Variants in DTWD2 observed in about 807,000 individuals in gnomAD.
The protein encoded by DTWD2 is DTW motif tRNA-uridine aminocarboxypropyltransferase 2, also known as tRNA-uridine aminocarboxypropyltransferase 2.
In DTWD2, 39 loss-of-function variants were observed where a neutral mutation model predicts 31.8. The observed-to-expected ratio is 1.22, with a 90% CI of 0.95 to 1.60. The LOEUF (loss-of-function observed/expected upper bound fraction) is 1.60, where lower values mean the gene tolerates loss of function less well. DTWD2 is among the 40% of genes most tolerant of loss of function. The probability of loss-of-function intolerance (pLI) is 0.00; values close to 1 mark genes in which losing one functional copy is unlikely to be tolerated. For synonymous variants in DTWD2, 180 were observed against 142.8 expected (o/e 1.26, Z -1.86); for missense variants, 515 against 381.5 (o/e 1.35, Z -2.92).
intron 1 of DTWD2, among the ~76,000 whole-genome samples, chr5:118,950,213 CAAAAAAAAAAAA>C (rs764214153): frequency 3.2e-4 from 16 of 49,600 alleles, no homozygotes; most frequent in Admixed American, 7.7e-4. Flanking sequence ...ACTCCATCTC[CAAAAAAAAAAAA>C]AAAAAAAAAA....
chr5:118,898,147 G>T (rs1262364692), intron 4 of DTWD2, among the ~76,000 whole-genome samples: 2 of 152,128 alleles, frequency 1.3e-5, no homozygotes, highest in African/African-American at 4.8e-5. Flanking sequence ...TTATAGGCAT[G>T]AGCCACCATG....
chr5:118,933,558 C>A (rs1753971951), intron 3 of DTWD2, among the ~76,000 whole-genome samples: 1 of 152,112 alleles, frequency 6.6e-6, no homozygotes, highest in South Asian at 2.1e-4. Flanking sequence ...CATCAAAGGA[C>A]TGTATCAATT....
chr5:118,913,047 CT>C (rs1753494209), intron 4 of DTWD2, among the ~76,000 whole-genome samples: 2 of 152,196 alleles, frequency 1.3e-5, no homozygotes, highest in Admixed American at 1.3e-4. Flanking sequence ...AATTAACCCA[CT>C]TATGCCTAGC....
chr5:118,934,493 G>A (rs551419200), intron 3 of DTWD2, among the ~76,000 whole-genome samples: 1 of 151,792 alleles, frequency 6.6e-6, no homozygotes, highest in Non-Finnish European at 1.5e-5. Flanking sequence ...TATATTTAAT[G>A]TATAATGTTA....
At chr5:118,876,206 G>C (rs1752618420) in intron 4 of DTWD2, among the ~76,000 whole-genome samples, 1 of 152,174 alleles carries the variant, frequency 6.6e-6, no homozygotes, top group South Asian at 2.1e-4. Flanking sequence ...AGGTAAGGCA[G>C]TGTTAAAAGG....
At chr5:118,974,191 C>G in intron 1 of DTWD2, 1 of 1,394,280 alleles carries the variant, frequency 7.2e-7, no homozygotes, top group Non-Finnish European at 9.9e-7. Context: ...CTCCACTTCC[C>G]GTCTCAGAAT....
chr5:118,852,272 T>G (rs112517909), intron 4 of DTWD2, among the ~76,000 whole-genome samples: 13 of 152,306 alleles, frequency 8.5e-5, no homozygotes, highest in African/African-American at 3.1e-4. Flanking sequence ...CAAACACATG[T>G]TTTACAATCA....
intron 4 of DTWD2, among the ~76,000 whole-genome samples, chr5:118,858,991 T>C (rs1580770532): frequency 6.6e-6 from 1 of 152,184 alleles, no homozygotes; most frequent in Non-Finnish European, 1.5e-5. Context: ...ATGAAGTACA[T>C]AATGTCTGGT....
At chr5:118,899,859 T>C (rs1187860949) in intron 4 of DTWD2, among the ~76,000 whole-genome samples, 4 of 149,090 alleles carry the variant, frequency 2.7e-5, no homozygotes, top group African/African-American at 5.0e-5. Context: ...TGGAGTACAG[T>C]GGCACGATCT....
At chr5:118,910,879 T>C (rs1273065710) in intron 4 of DTWD2, among the ~76,000 whole-genome samples, 1 of 152,134 alleles carries the variant, frequency 6.6e-6, no homozygotes, top group Non-Finnish European at 1.5e-5. Context: ...CTATGTGCTC[T>C]CAAATGGGGG....
intron 4 of DTWD2, among the ~76,000 whole-genome samples, chr5:118,887,915 A>G (rs959882373): frequency 1.3e-5 from 2 of 152,180 alleles, no homozygotes; most frequent in African/African-American, 2.4e-5. Flanking sequence ...TTGTGGGATT[A>G]CAGGCATGAG....
chr5:118,861,248 G>C (rs1161595254), intron 4 of DTWD2, among the ~76,000 whole-genome samples: 1 of 152,192 alleles, frequency 6.6e-6, no homozygotes, highest in Non-Finnish European at 1.5e-5. Context: ...TTAGCCTAAA[G>C]TTTGATGTTC....
intron 4 of DTWD2, among the ~76,000 whole-genome samples, chr5:118,855,210 G>A (rs1202502778): frequency 4.8e-5 from 7 of 144,660 alleles, no homozygotes; most frequent in Non-Finnish European, 1.1e-4. Context: ...CTGTAACTTA[G>A]TGTAAATATG....
At chr5:118,850,935 T>G (rs185579790) in intron 4 of DTWD2, among the ~76,000 whole-genome samples, 5 of 152,162 alleles carry the variant, frequency 3.3e-5, no homozygotes, top group Admixed American at 1.3e-4. Context: ...TCATTAATCT[T>G]TAGAGAAATG....
chr5:118,842,099 T>C (rs1242832428), intron 5 of DTWD2, among the ~76,000 whole-genome samples: 1 of 152,178 alleles, frequency 6.6e-6, no homozygotes, highest in Non-Finnish European at 1.5e-5. Flanking sequence ...TCCCAGCATT[T>C]TGGGAGGCTG....
intron 1 of DTWD2, among the ~76,000 whole-genome samples, chr5:118,975,798 T>TA (rs1383467073): frequency 6.6e-6 from 1 of 152,052 alleles, no homozygotes; most frequent in East Asian, 1.9e-4. Flanking sequence ...GACAGAAAAT[T>TA]AAAAAGGATA....
intron 3 of DTWD2, among the ~76,000 whole-genome samples, chr5:118,929,564 TGG>T (rs1203898858): frequency 6.6e-6 from 1 of 152,192 alleles, no homozygotes; most frequent in Non-Finnish European, 1.5e-5. Flanking sequence ...GCTGTGATTC[TGG>T]GGACTGCCCG....
intron 1 of DTWD2, among the ~76,000 whole-genome samples, chr5:118,947,959 G>A (rs532752193): frequency 6.6e-6 from 1 of 152,286 alleles, no homozygotes; most frequent in East Asian, 1.9e-4. Flanking sequence ...ATTGAAGTTA[G>A]ACTCACTTTA....
At chr5:118,842,242 T>A (rs563274690) in intron 5 of DTWD2, among the ~76,000 whole-genome samples, 126 of 152,298 alleles carry the variant, frequency 8.3e-4, no homozygotes, top group African/African-American at 2.9e-3. Context: ...ATTCAAATTA[T>A]ATTCAAGGTA....
Sources: gnomAD v4.1 joint callset for allele counts (sites outside exome capture counted in the v4.1 genomes callset) on GRCh38, gnomAD v4.1.1 for gene constraint, MANE v1.5 for transcripts, NCBI Gene and HGNC (gene_info 2026-07-23, HGNC 2026-07-21) for gene names.